Variants in RECQL5 observed in about 807,000 individuals in gnomAD.
The protein encoded by RECQL5 is ATP-dependent DNA helicase Q5.
RECQL5 carries 88 observed loss-of-function variants against 103.4 expected under a neutral mutation model. The ratio of observed to expected loss-of-function variants is 0.85; its 90% CI spans 0.72 to 1.02. The LOEUF is 1.02. Ranked by LOEUF, RECQL5 falls within the 50% of genes least tolerant of loss-of-function variation. RECQL5 has a pLI of 0.00. For synonymous variants in RECQL5, 552 were observed against 507.9 expected (o/e 1.09, Z -1.17); for missense variants, 1,232 against 1,284.3 (o/e 0.96, Z 0.62).
At chr17:75,650,793 T>C in intron 8 of RECQL5, 1 of 1,559,400 alleles carries the variant, frequency 6.4e-7, no homozygotes, top group South Asian at 1.2e-5. Context: ...CACAGGCTTC[T>C]GTGTGGGTCC....
At chr17:75,663,998 G>A (rs554226402) in intron 3 of RECQL5, among the ~76,000 whole-genome samples, 111 of 144,836 alleles carry the variant, frequency 7.7e-4, no homozygotes, top group Middle Eastern at 3.8e-3. Context: ...AGGTTGCGGT[G>A]AGCCGAGAAC....
In RECQL5 at chr17:75,631,399, G is replaced by A. The variant is rs748709756; in HGVS notation, c.1448+51C>T. 4.4e-6 allele frequency: 7 copies of A among 1,581,512 alleles called. No homozygotes were observed. The African/African-American group carries it at 9.4e-5, about 21-fold the overall frequency. ...CTCTGGTCTGGCCCTGGCGCCAAGG[G>A]AATGCCAGGCAATTCCAGCGGGTTG... is the stretch of plus-strand genomic sequence containing the variant. On this transcript the variant is annotated intron_variant, in intron 9 of 19. Coordinates refer to ENST00000317905, the MANE Select transcript of RECQL5 (RefSeq NM_004259.7).
chr17:75,660,899 C>T, intron 6 of RECQL5, 56 bp downstream of exon 6: 1 of 1,309,174 alleles, frequency 7.6e-7, no homozygotes, highest in Non-Finnish European at 1.1e-6. Context: ...CAGCACTAGG[C>T]AATCCACCCT....
chr17:75,664,933 AAAAAGAAAAAG>A lies in RECQL5; in HGVS notation c.252+107_252+117del, dbSNP rs1222381479. 2.6e-5 allele frequency: 35 copies of A among 1,329,634 alleles called. No individual in the cohort carries two copies. The South Asian group carries it at 4.5e-4, about 17-fold the overall frequency. 82.4% of individuals were successfully genotyped at this position (1,329,634 alleles called of 1,614,324 possible). A position where few individuals can be genotyped will look rare whatever the true frequency, so the allele number is the denominator to read the frequency against. ...GTCTCAAAAAAAAAAAAAAAAAAGG[AAAAAGAAAAAG>A]AAAAGAAAATAAGAGGCAAAAGACC... On this transcript the variant is annotated intron_variant, in intron 3 of 19. Coordinates refer to ENST00000317905, the MANE Select transcript of RECQL5 (RefSeq NM_004259.7).
intron 3 of RECQL5, among the ~76,000 whole-genome samples, chr17:75,664,020 C>G (rs1270459685): frequency 7.1e-6 from 1 of 140,902 alleles, no homozygotes; most frequent in East Asian, 2.1e-4. Context: ...CGCCATTGCA[C>G]TCAAGCCCGG....
At chr17:75,631,073 C>T in intron 10 of RECQL5, 63 bp from the exon 11 acceptor site, 1 of 1,611,860 alleles carries the variant, frequency 6.2e-7, no homozygotes, top group Non-Finnish European at 8.5e-7. Flanking sequence ...TCCCATCCAG[C>T]ACCAGAGAAG....
chr17:75,652,052 C>A (rs937056463), intron 7 of RECQL5, among the ~76,000 whole-genome samples: 2 of 152,048 alleles, frequency 1.3e-5, no homozygotes, highest in Non-Finnish European at 2.9e-5. Flanking sequence ...CATGTTGAAA[C>A]TCCATCTCTA....
At chr17:75,663,705 C>T (rs1192056914) in intron 3 of RECQL5, among the ~76,000 whole-genome samples, 2 of 152,166 alleles carry the variant, frequency 1.3e-5, no homozygotes, top group Non-Finnish European at 2.9e-5. Context: ...ACGATTTATA[C>T]AATTCTATCT....
chr17:75,653,835 A>G (rs941426933), intron 7 of RECQL5, among the ~76,000 whole-genome samples: 6 of 152,010 alleles, frequency 3.9e-5, no homozygotes, highest in Non-Finnish European at 8.8e-5. Context: ...GAGATGGAGA[A>G]TGCAGTGAGC....
intron 11 of RECQL5, 68 bp from the exon 12 acceptor site, chr17:75,630,905 C>G (rs929359723): frequency 3.8e-6 from 6 of 1,589,682 alleles, no homozygotes; most frequent in Non-Finnish European, 5.1e-6. Context: ...CCCCCACAGC[C>G]CGGATGAGAA....
In RECQL5 at chr17:75,650,656, C is replaced by T. The variant is rs772852203; in HGVS notation, c.1229+530G>A. 7 of 1,613,946 alleles carry T rather than the reference C, an allele frequency of 4.3e-6. No individual in the cohort carries two copies. The African/African-American group carries it at 9.3e-5, about 22-fold the overall frequency. Reference sequence around the variant, plus strand: ...TGCAGGCACTCACAGCTCCGCATGCCTGGACACAACCTGACTACACCAAGC... The same window carrying T: ...TGCAGGCACTCACAGCTCCGCATGCTTGGACACAACCTGACTACACCAAGC... On this transcript the variant is annotated intron_variant, in intron 8 of 19. Transcript: ENST00000317905.
intron 13 of RECQL5, 156 bp from the exon 14 acceptor site, chr17:75,630,433 G>T: frequency 1.1e-6 from 1 of 873,824 alleles, no homozygotes; most frequent in Non-Finnish European, 1.8e-6. Context: ...TCCCTCAGCA[G>T]CTGCTGGTAG....
Position 75,630,641 on chromosome 17 carries a change from G to T in RECQL5, c.1696C>A (p.Gln566Lys), listed in dbSNP as rs765126212. The T allele has an allele frequency of 1.9e-6, 3 of 1,613,522 alleles. No homozygotes were observed. The Admixed American group carries it at 5.0e-5, about 27-fold the overall frequency. ...LLEEALSSNR[Q>K]STRTADEADL... ...CACTCATCAGCGGTACGTGTTGACT[G>T]GCGGTTGCTGCTCAGCGCCTCCTCC... The change falls in exon 13 of 20, where the codon CAG (glutamine) becomes AAG (lysine). Residue 566 changes from glutamine to lysine, a missense_variant. Gln to Lys is a moderately conservative substitution (Grantham distance 53). Transcript: ENST00000317905.
At chr17:75,661,152 A>C in intron 5 of RECQL5, 86 bp from the exon 6 acceptor site, 1 of 989,108 alleles carries the variant, frequency 1.0e-6, no homozygotes, top group Non-Finnish European at 1.6e-6. Context: ...ACTGTGTGCT[A>C]GGCACTTCAC....
At chr17:75,652,744 C>T (rs2148320296) in intron 7 of RECQL5, among the ~76,000 whole-genome samples, 1 of 152,330 alleles carries the variant, frequency 6.6e-6, no homozygotes, top group Middle Eastern at 3.4e-3. Context: ...GGAGATGGTA[C>T]TGTGAAGGCA....
intron 8 of RECQL5, among the ~76,000 whole-genome samples, chr17:75,632,266 G>A (rs1000045499): frequency 6.6e-6 from 1 of 152,188 alleles, no homozygotes; most frequent in Admixed American, 6.5e-5. Context: ...AACTGCATAC[G>A]GTACTCAGGA....
At chr17:75,630,884 C>T (rs370077306) in intron 11 of RECQL5, 47 bp from the exon 12 acceptor site, 213 of 1,537,394 alleles carry the variant, frequency 1.4e-4, no homozygotes, top group African/African-American at 1.8e-4. Flanking sequence ...CCACCTTCTG[C>T]GCTCTGAGGT....
rs766760092 is a variant in RECQL5 at position 75,651,191 on chromosome 17, T to C, written c.1224A>G (p.Glu408=). 19 of 1,614,070 alleles carry C rather than the reference T, an allele frequency of 1.2e-5. No individual in the cohort carries two copies. In the African/African-American group the frequency reaches 2.4e-4, roughly 20 times the overall value. Residue 408 remains glutamate (E), a synonymous_variant, in exon 8 of 20, where the codon GAA becomes GAG. Coordinates refer to ENST00000317905, the MANE Select transcript of RECQL5 (RefSeq NM_004259.7). ...ATATAAAATAAGTCACTTACCCCAG[T>C]TCTTCACAGAAGGTCACCAGGGCAT... ...AFDALVTFCE[E]LGCRHAAIAK...
intron 8 of RECQL5, chr17:75,633,323 G>C (rs1031365682): frequency 4.0e-5 from 29 of 730,944 alleles, no homozygotes; most frequent in Non-Finnish European, 5.5e-5. Context: ...GGCTGGGGTC[G>C]GTTTCTCTCC....
Sources: gnomAD v4.1 joint callset for allele counts (sites outside exome capture counted in the v4.1 genomes callset) on GRCh38, gnomAD v4.1.1 for gene constraint, MANE v1.5 for transcripts, NCBI Gene and HGNC (gene_info 2026-07-23, HGNC 2026-07-21) for gene names.